KLK13: variants seen among roughly 807,000 people sequenced by gnomAD.
KLK13 encodes kallikrein related peptidase 13, also known as kallikrein-13.
A neutral mutation model predicts 22.4 loss-of-function variants in KLK13; 19 were observed. That is an observed-to-expected ratio of 0.85 (90% CI 0.59 to 1.24). The LOEUF (loss-of-function observed/expected upper bound fraction) is 1.24, where lower values mean the gene tolerates loss of function less well. Ranked by LOEUF, KLK13 falls within the 50% of genes most tolerant of loss-of-function variation. The probability of loss-of-function intolerance (pLI) is 0.00; values close to 1 mark genes in which losing one functional copy is unlikely to be tolerated. For synonymous variants in KLK13, 156 were observed against 141.8 expected (o/e 1.10, Z -0.71); for missense variants, 311 against 347.9 (o/e 0.89, Z 0.84).
chr19:51,059,367 T>C (rs976441907), intron 3 of KLK13, among the ~76,000 whole-genome samples: 8 of 146,854 alleles, frequency 5.4e-5, no homozygotes, highest in African/African-American at 2.0e-4. Context: ...ATAAAATTCA[T>C]TTACAGTATA....
intron 4 of KLK13, 71 bp from the exon 5 acceptor site, chr19:51,056,846 T>A: frequency 1.7e-6 from 2 of 1,194,246 alleles, no homozygotes; most frequent in Non-Finnish European, 2.4e-6. Flanking sequence ...GACAGGGAGG[T>A]GTGGGGAGAG....
chr19:51,058,980 G>A (rs1303669031), intron 3 of KLK13, among the ~76,000 whole-genome samples: 1 of 152,048 alleles, frequency 6.6e-6, no homozygotes, highest in East Asian at 1.9e-4. Flanking sequence ...GAAAGTTGGA[G>A]AGAGGGAGTT....
rs148164183 is a variant in KLK13, at chr19:51,056,390, T to C, written c.*197A>G. 2.4e-4 allele frequency: 141 copies of C among 596,382 alleles called. 3 individuals are homozygous for C. The African/African-American group carries it at 2.5e-3, about 11-fold the overall frequency. The allele number at this position is 596,382 out of a possible 1,614,324, so 36.9% of individuals were successfully genotyped here. The stretch of plus-strand genomic sequence containing the variant: ...TCAGGTTGTTGAGATGTTTCAGGGA[T>C]GCAACATCTGGGAGACTGCAAGCCT... On this transcript the variant is annotated 3_prime_UTR_variant, in exon 5 of 5. Coordinates refer to ENST00000595793, the MANE Select transcript of KLK13 (RefSeq NM_015596.3).
At chr19:51,061,629 G>T (rs1465853381) in intron 1 of KLK13, among the ~76,000 whole-genome samples, 1 of 152,070 alleles carries the variant, frequency 6.6e-6, no homozygotes, top group Non-Finnish European at 1.5e-5. Flanking sequence ...CCACCATCTT[G>T]GTCCATGCCC....
rs1337215784 is a variant in KLK13, at chr19:51,058,520, C to A, written c.645+18G>T. 1 of 1,614,058 alleles carries A rather than the reference C, an allele frequency of 6.2e-7. No individual in the cohort carries two copies. On this transcript the variant is annotated intron_variant, in intron 4 of 4. Coordinates refer to ENST00000595793, the MANE Select transcript of KLK13 (RefSeq NM_015596.3). ...CTTTCTATCCTGTCCAAGGCACCCACCAGCCTCCCGGCCTCACCTCACAGG... is the reference window on the plus strand; with the variant it reads ...CTTTCTATCCTGTCCAAGGCACCCAACAGCCTCCCGGCCTCACCTCACAGG...
intron 4 of KLK13, among the ~76,000 whole-genome samples, chr19:51,057,805 C>T (rs1477351441): frequency 6.6e-6 from 1 of 152,068 alleles, no homozygotes; most frequent in Non-Finnish European, 1.5e-5. Context: ...AACAGCCTCT[C>T]CTGATTTTTT....
chr19:51,064,961 C>T (rs2122722390), intron 1 of KLK13, 55 bp downstream of exon 1: 2 of 1,489,380 alleles, frequency 1.3e-6, no homozygotes, highest in South Asian at 1.2e-5. Context: ...CCGGCCTGAC[C>T]CCTCCTACCA....
At chr19:51,058,739 T>G in intron 3 of KLK13, 65 bp from the exon 4 acceptor site, 2 of 1,515,828 alleles carry the variant, frequency 1.3e-6, no homozygotes, top group Non-Finnish European at 9.1e-7. Flanking sequence ...GAAGGTGAAA[T>G]AGGCGAGTTG....
At chr19:51,057,631 C>G (rs1326981845) in intron 4 of KLK13, among the ~76,000 whole-genome samples, 1 of 152,072 alleles carries the variant, frequency 6.6e-6, no homozygotes, top group Non-Finnish European at 1.5e-5. Context: ...CCACACCTGG[C>G]TAATTTAAAA....
At chr19:51,065,671 C>T (rs1193245803), upstream of KLK13, among the ~76,000 whole-genome samples, 2 of 152,094 alleles carry the variant, frequency 1.3e-5, no homozygotes, top group Admixed American at 6.5e-5. Context: ...CGTCAGCCGC[C>T]AGCTGTCTAG....
At chr19:51,058,755 G>A in intron 3 of KLK13, 81 bp from the exon 4 acceptor site, 2 of 1,346,252 alleles carry the variant, frequency 1.5e-6, no homozygotes, top group East Asian at 2.3e-5. Context: ...AGTTGAATGG[G>A]TAAAGAGTAG....
chr19:51,064,213 CG>C lies in KLK13; in HGVS notation c.52+802del, dbSNP rs1386197164. 3.3e-5 allele frequency among the ~76,000 whole-genome samples: 5 copies of C among 152,054 alleles called. No individual in the cohort carries two copies. The South Asian group carries it at 1.0e-3, about 32-fold the overall frequency. Reference sequence around the variant, plus strand: ...AGTATGAAGACAGAATACTAGAGGCCGGGCTCGGTGGCTCATGCCTGTAATC... The same window carrying C: ...AGTATGAAGACAGAATACTAGAGGCCGGCTCGGTGGCTCATGCCTGTAATC... On this transcript the variant is annotated intron_variant, in intron 1 of 4. Coordinates refer to ENST00000595793, the MANE Select transcript of KLK13 (RefSeq NM_015596.3).
intron 1 of KLK13, among the ~76,000 whole-genome samples, chr19:51,061,754 T>G (rs1014815762): frequency 6.6e-6 from 1 of 152,228 alleles, no homozygotes; most frequent in Non-Finnish European, 1.5e-5. Context: ...GAAAGTCAGA[T>G]GTTGTTCCCA....
Position 51,056,566 on chromosome 19 carries a change from A to G in KLK13, c.*21T>C. On this transcript the variant is annotated 3_prime_UTR_variant, in exon 5 of 5. Coordinates refer to ENST00000595793, the MANE Select transcript of KLK13 (RefSeq NM_015596.3). ...GAGGAAGTCATGGTGACAGGATGGA[A>G]GCCGGTACATTTCTCAACTTTTATT... is the stretch of plus-strand genomic sequence containing the variant. 6.2e-7 allele frequency: 1 copy of G among 1,612,254 alleles called. No homozygotes were observed. The highest frequency in any genetic ancestry group is 1.1e-5 in the South Asian group (1 of 90,920).
chr19:51,057,638 A>C (rs1389495320), intron 4 of KLK13, among the ~76,000 whole-genome samples: 1 of 151,682 alleles, frequency 6.6e-6, no homozygotes, highest in African/African-American at 2.4e-5. Flanking sequence ...TGGCTAATTT[A>C]AAAACTTTTT....
Position 51,056,441 on chromosome 19 carries a change from A to G in KLK13, c.*146T>C, listed in dbSNP as rs554164460. ...GGCAGTGCCTGAATGCTTCTGAAAC[A>G]TGGAATGTTAGCTGAGATTGAGCAT... On this transcript the variant is annotated 3_prime_UTR_variant, in exon 5 of 5. Coordinates refer to ENST00000595793, the MANE Select transcript of KLK13 (RefSeq NM_015596.3). 49 of 856,522 alleles carry G rather than the reference A, an allele frequency of 5.7e-5. No individual in the cohort carries two copies. Among genetic ancestry groups the G allele is most frequent in the African/African-American group, 5.6e-4 (33 of 59,270 alleles). The allele number at this position is 856,522 out of a possible 1,614,324, so 53.1% of individuals were successfully genotyped here.
Position 51,056,844 on chromosome 19 carries a change from G to A in KLK13, c.646-69C>T. The A allele has an allele frequency of 3.3e-6, 4 of 1,208,820 alleles. No homozygotes were observed. In the Admixed American group the frequency reaches 6.0e-5, roughly 18 times the overall value. The allele number at this position is 1,208,820 out of a possible 1,614,324, so 74.9% of individuals were successfully genotyped here. On this transcript the variant is annotated intron_variant, in intron 4 of 4. Coordinates refer to ENST00000595793, the MANE Select transcript of KLK13 (RefSeq NM_015596.3). Reference sequence around the variant, plus strand: ...GGGCTAAACAAGGCAGGGACAGGGAGGTGTGGGGAGAGAGTGAAAGATGGA... The same window carrying A: ...GGGCTAAACAAGGCAGGGACAGGGAAGTGTGGGGAGAGAGTGAAAGATGGA...
chr19:51,065,027 G>T lies in KLK13; in HGVS notation c.41C>A (p.Ala14Asp), dbSNP rs867003746. The T allele has an allele frequency of 7.5e-7, 1 of 1,335,298 alleles. No individual in the cohort carries two copies. The highest frequency in any genetic ancestry group is 2.2e-5 in the Admixed American group (1 of 44,780). The allele number at this position is 1,335,298 out of a possible 1,614,324, so 82.7% of individuals were successfully genotyped here. Residue 14 changes from alanine to aspartate, a missense_variant, in exon 1 of 5, where the codon GCC becomes GAC. Transcript: ENST00000595793. ...LALVIASLTL[A>D]LSGGVSQESS... ...CCGCGCATTCTTACCTCCTGACAAG[G>T]CCAAGGTCAGGGAGGCGATCACTAG...
chr19:51,060,322 A>G (rs1158506675), intron 2 of KLK13, 111 bp downstream of exon 2: 4 of 1,211,800 alleles, frequency 3.3e-6, no homozygotes, highest in Non-Finnish European at 4.6e-6. Context: ...TCTCACTCCC[A>G]TGTCCATCCC....
Sources: allele counts gnomAD v4.1 joint callset (sites outside exome capture counted in the v4.1 genomes callset), GRCh38; gene constraint gnomAD v4.1.1; transcripts MANE v1.5; gene names NCBI Gene and HGNC (gene_info 2026-07-23, HGNC 2026-07-21).